The following CSMD2 variants were observed in gnomAD, a reference collection of about 807,000 sequenced individuals.
The protein encoded by CSMD2 is CUB and Sushi multiple domains 2, also known as CUB and sushi domain-containing protein 2.
In CSMD2, 130 loss-of-function variants were observed where a neutral mutation model predicts 398.5. That is an observed-to-expected ratio of 0.33 (90% CI 0.28 to 0.38). The LOEUF is 0.38. Among genes scored for constraint, CSMD2 ranks in the 10% least tolerant of loss-of-function variants. The probability of loss-of-function intolerance (pLI) is 1.00; values close to 1 mark genes in which losing one functional copy is unlikely to be tolerated. For synonymous variants in CSMD2, 1,828 were observed against 1,908.5 expected (o/e 0.96, Z 1.10); for missense variants, 3,829 against 4,764.9 (o/e 0.80, Z 5.78).
intron 1 of CSMD2, among the ~76,000 whole-genome samples, chr1:34,100,605 T>G (rs974439243): frequency 6.6e-6 from 1 of 152,204 alleles, no homozygotes; most frequent in Non-Finnish European, 1.5e-5. Context: ...AACAATTCAG[T>G]AAACATTATA....
At chr1:34,057,948 G>A (rs950140937) in intron 2 of CSMD2, among the ~76,000 whole-genome samples, 5 of 152,194 alleles carry the variant, frequency 3.3e-5, no homozygotes, top group African/African-American at 9.7e-5. Context: ...GCTCTGGGCT[G>A]GCAGTGACAC....
intron 1 of CSMD2, among the ~76,000 whole-genome samples, chr1:34,111,672 A>G (rs1661089273): frequency 6.6e-6 from 1 of 152,210 alleles, no homozygotes; most frequent in Non-Finnish European, 1.5e-5. Context: ...CCAAGCTCAC[A>G]CATACAATAA....
chr1:33,934,050 G>A (rs980534939), intron 4 of CSMD2, among the ~76,000 whole-genome samples: 1 of 152,212 alleles, frequency 6.6e-6, no homozygotes, highest in East Asian at 1.9e-4. Flanking sequence ...TACATGCCAT[G>A]TAATTTTTAT....
chr1:33,746,993 A>G (rs1647476242), intron 13 of CSMD2, among the ~76,000 whole-genome samples: 1 of 152,206 alleles, frequency 6.6e-6, no homozygotes, highest in Admixed American at 6.5e-5. Context: ...GTCCCTAGAT[A>G]ATTTACAGTG....
chr1:33,904,432 A>C (rs953308702), intron 5 of CSMD2, among the ~76,000 whole-genome samples: 10 of 152,192 alleles, frequency 6.6e-5, no homozygotes, highest in Non-Finnish European at 1.3e-4. Context: ...AGGGAATATT[A>C]TTCAGCCTTA....
At chr1:33,739,105 A>T (rs1192476361) in intron 15 of CSMD2, 35 bp downstream of exon 15, 2 of 1,589,606 alleles carry the variant, frequency 1.3e-6, no homozygotes, top group Non-Finnish European at 1.7e-6. Flanking sequence ...TCTCTGGCTG[A>T]CAATGGCCAC....
At chr1:34,134,531 T>C (rs781293614) in intron 1 of CSMD2, among the ~76,000 whole-genome samples, 28 of 152,174 alleles carry the variant, frequency 1.8e-4, no homozygotes, top group Non-Finnish European at 3.7e-4. Context: ...AAGGTCTTTC[T>C]CTAAGTATGA....
chr1:33,549,235 G>T (rs1487804179), intron 56 of CSMD2, among the ~76,000 whole-genome samples: 1 of 152,180 alleles, frequency 6.6e-6, no homozygotes, highest in Non-Finnish European at 1.5e-5. Context: ...TTCTGTATTA[G>T]GAGGAGGTCA....
At chr1:33,714,106 C>T (rs921553751) in intron 21 of CSMD2, among the ~76,000 whole-genome samples, 1 of 152,154 alleles carries the variant, frequency 6.6e-6, no homozygotes, top group Admixed American at 6.5e-5. Context: ...ATGAAGCCTT[C>T]CTAAGGCGTC....
At chr1:33,962,618 A>T (rs1645404259) in intron 3 of CSMD2, among the ~76,000 whole-genome samples, 1 of 152,152 alleles carries the variant, frequency 6.6e-6, no homozygotes, top group Non-Finnish European at 1.5e-5. Context: ...GCAGGGCCCC[A>T]GGTGAGTTGC....
intron 2 of CSMD2, among the ~76,000 whole-genome samples, chr1:34,043,922 G>A (rs2148196836): frequency 6.6e-6 from 1 of 152,208 alleles, no homozygotes; most frequent in East Asian, 1.9e-4. Context: ...TATTTCATAT[G>A]TGTTGTCACA....
chr1:33,646,985 G>A (rs1643471073), intron 28 of CSMD2, 150 bp from the exon 29 acceptor site: 1 of 729,244 alleles, frequency 1.4e-6, no homozygotes, highest in Non-Finnish European at 2.2e-6. Context: ...CTGGTGGGAA[G>A]GGAGAAGATG....
chr1:33,608,264 C>G (rs1403878566), intron 41 of CSMD2, among the ~76,000 whole-genome samples: 1 of 152,142 alleles, frequency 6.6e-6, no homozygotes, highest in African/African-American at 2.4e-5. Context: ...CAAGTGGGCT[C>G]ATCACACGGG....
chr1:34,071,233 A>C (rs780623525), intron 2 of CSMD2, among the ~76,000 whole-genome samples: 1 of 152,230 alleles, frequency 6.6e-6, no homozygotes, highest in Non-Finnish European at 1.5e-5. Flanking sequence ...AAGATGCTGC[A>C]TTGCCAGTCT....
intron 3 of CSMD2, among the ~76,000 whole-genome samples, chr1:33,971,924 A>G (rs1200888382): frequency 6.6e-6 from 1 of 152,214 alleles, no homozygotes; most frequent in African/African-American, 2.4e-5. Context: ...TCACAGCTCG[A>G]TACTTCTTCC....
At chr1:33,745,327 T>C (rs939650053) in intron 13 of CSMD2, among the ~76,000 whole-genome samples, 2 of 152,294 alleles carry the variant, frequency 1.3e-5, no homozygotes, top group East Asian at 3.9e-4. Flanking sequence ...ATTGCAAAAA[T>C]GCTGTAGGTT....
intron 3 of CSMD2, among the ~76,000 whole-genome samples, chr1:33,967,935 G>A (rs537591234): frequency 2.0e-5 from 3 of 152,160 alleles, no homozygotes; most frequent in Non-Finnish European, 4.4e-5. Flanking sequence ...TTTCTGCAAG[G>A]CGGTCAGAAA....
At chr1:33,653,855 G>A (rs1372258562) in intron 27 of CSMD2, among the ~76,000 whole-genome samples, 3 of 152,154 alleles carry the variant, frequency 2.0e-5, no homozygotes, top group Non-Finnish European at 4.4e-5. Context: ...GCCATTTAAG[G>A]GCTGGCTAGA....
intron 1 of CSMD2, among the ~76,000 whole-genome samples, chr1:34,159,339 A>ATC (rs1491468857): frequency 7.4e-5 from 6 of 80,838 alleles, no homozygotes; most frequent in African/African-American, 2.1e-4. Context: ...CCCCCCCCCC[A>ATC]CCCAGGAGCT....
Sources: gnomAD v4.1 joint callset for allele counts (sites outside exome capture counted in the v4.1 genomes callset) on GRCh38, gnomAD v4.1.1 for gene constraint, MANE v1.5 for transcripts, NCBI Gene and HGNC (gene_info 2026-07-23, HGNC 2026-07-21) for gene names.